Variants in TEX2 observed in about 807,000 individuals in gnomAD.
The protein encoded by TEX2 is testis expressed 2, also known as testis-expressed protein 2.
TEX2 carries 53 observed loss-of-function variants against 106.9 expected under a neutral mutation model. The observed-to-expected ratio is 0.50, with a 90% CI of 0.40 to 0.62. TEX2 has a LOEUF of 0.62. Ranked by LOEUF, TEX2 falls within the 20% of genes least tolerant of loss-of-function variation. The pLI, the probability that TEX2 is intolerant of heterozygous loss-of-function variation, is 0.00. For synonymous variants in TEX2, 523 were observed against 534.8 expected (o/e 0.98, Z 0.30); for missense variants, 1,207 against 1,379.0 (o/e 0.88, Z 1.98).
chr17:64,162,063 A>T (rs756348194), intron 7 of TEX2, among the ~76,000 whole-genome samples: 4 of 152,186 alleles, frequency 2.6e-5, no homozygotes, highest in African/African-American at 7.2e-5. Context: ...TTTTGTTTTC[A>T]ACAAATTCTT....
intron 1 of TEX2, among the ~76,000 whole-genome samples, chr17:64,240,280 T>G (rs1026793185): frequency 6.6e-5 from 10 of 151,782 alleles, no homozygotes; most frequent in African/African-American, 2.4e-4. Context: ...TCTTTGTTAA[T>G]AAATGTTTAA....
At chr17:64,212,492 C>T in intron 2 of TEX2, 82 bp downstream of exon 2, 1 of 1,346,788 alleles carries the variant, frequency 7.4e-7, no homozygotes, top group South Asian at 1.4e-5. Flanking sequence ...TCTTTAACAG[C>T]TAACCAAAAA....
At position 64,214,230 on chromosome 17, in the gene TEX2, A is replaced by G; in HGVS notation, c.-13T>C. On this transcript the variant is annotated 5_prime_UTR_variant, in exon 2 of 12. Coordinates refer to ENST00000584379, the MANE Select transcript of TEX2 (RefSeq NM_001288732.2). ...ACAGACTTGTCATTGCCGGCTTCAC[A>G]AGGGCTCAGGCTCTGTGAAAACAGT... 1.2e-6 allele frequency: 2 copies of G among 1,607,336 alleles called. No individual in the cohort carries two copies. The highest frequency in any genetic ancestry group is 1.7e-6 in the Non-Finnish European group (2 of 1,175,138).
chr17:64,212,869 G>C lies in TEX2; in HGVS notation c.1349C>G (p.Ala450Gly). ...SDIPLKPEVL[A>G]EDGVVLDSED... ...ACTGTCAAGGACCACACCATCTTCC[G>C]CGAGCACCTCTGGCTTGAGAGGAAT... Residue 450 changes from alanine to glycine, a missense_variant, in exon 2 of 12, where the codon GCG (alanine) becomes GGG (glycine). Coordinates refer to ENST00000584379, the MANE Select transcript of TEX2 (RefSeq NM_001288732.2). 6.2e-7 allele frequency: 1 copy of C among 1,614,080 alleles called. No homozygotes were observed. The highest frequency in any genetic ancestry group is 8.5e-7 in the Non-Finnish European group (1 of 1,180,028).
chr17:64,229,812 A>G (rs992929997), intron 1 of TEX2, among the ~76,000 whole-genome samples: 10 of 152,156 alleles, frequency 6.6e-5, no homozygotes, highest in African/African-American at 2.2e-4. Flanking sequence ...CCTTCAAATC[A>G]TATTAGGAAA....
At chr17:64,176,973 C>T (rs1290986611) in intron 6 of TEX2, among the ~76,000 whole-genome samples, 1 of 152,150 alleles carries the variant, frequency 6.6e-6, no homozygotes, top group African/African-American at 2.4e-5. Context: ...GCTGGGTGGG[C>T]TCTGGATGTA....
At chr17:64,249,898 T>C (rs1449880898) in intron 1 of TEX2, among the ~76,000 whole-genome samples, 1 of 152,170 alleles carries the variant, frequency 6.6e-6, no homozygotes, top group African/African-American at 2.4e-5. Context: ...AAAATTAATG[T>C]TCCTGCTTCA....
intron 1 of TEX2, among the ~76,000 whole-genome samples, chr17:64,253,900 T>C (rs1370213678): frequency 2.0e-5 from 3 of 152,194 alleles, no homozygotes; most frequent in Non-Finnish European, 4.4e-5. Context: ...TTTTAACACA[T>C]TTATCAAGCA....
chr17:64,152,621 C>A (rs534038202), intron 10 of TEX2, among the ~76,000 whole-genome samples: 2 of 152,172 alleles, frequency 1.3e-5, no homozygotes, highest in African/African-American at 4.8e-5. Context: ...GCGCTATCTA[C>A]AAATGACAGC....
At chr17:64,182,622 T>A (rs2031922883) in intron 5 of TEX2, among the ~76,000 whole-genome samples, 1 of 152,018 alleles carries the variant, frequency 6.6e-6, no homozygotes, top group African/African-American at 2.4e-5. Context: ...TCCCTATTCC[T>A]CCCCAACTCC....
intron 1 of TEX2, among the ~76,000 whole-genome samples, chr17:64,258,493 A>T (rs372227868): frequency 2.0e-5 from 3 of 152,164 alleles, no homozygotes; most frequent in East Asian, 3.8e-4. Flanking sequence ...TCTACTATTC[A>T]TAGGGTGGTA....
intron 5 of TEX2, among the ~76,000 whole-genome samples, chr17:64,180,943 T>C (rs749963681): frequency 2.0e-5 from 3 of 152,118 alleles, no homozygotes; most frequent in Non-Finnish European, 4.4e-5. Context: ...CCGCACCCAG[T>C]GTACCGCCAG....
At chr17:64,172,493 G>C (rs1008825560) in intron 6 of TEX2, among the ~76,000 whole-genome samples, 20 of 152,146 alleles carry the variant, frequency 1.3e-4, no homozygotes, top group African/African-American at 4.3e-4. Context: ...CCAGCTTCTG[G>C]TTGGGCATGG....
In TEX2 at chr17:64,153,209, C is replaced by CA. The variant is rs1485781206; in HGVS notation, c.2931-56dup. ...GCACAAACTTTGCTCTTTTCACAGACAAAAACCTGTGGCTCTTCGTTCCCC... is the reference window on the plus strand; with the variant it reads ...GCACAAACTTTGCTCTTTTCACAGACAAAAAACCTGTGGCTCTTCGTTCCCC... On this transcript the variant is annotated intron_variant, in intron 9 of 11. Transcript: ENST00000584379. The surrounding 1 kb of genome is among the most constrained non-coding windows in gnomAD (Gnocchi z 4.1). 3.2e-6 allele frequency: 4 copies of CA among 1,268,116 alleles called. No individual in the cohort carries two copies. Among genetic ancestry groups the CA allele is most frequent in the South Asian group, 1.3e-5 (1 of 75,606 alleles). 78.6% of individuals were successfully genotyped at this position (1,268,116 alleles called of 1,614,324 possible). A position where few individuals can be genotyped will look rare whatever the true frequency, so the allele number is the denominator to read the frequency against.
chr17:64,229,813 T>C (rs918553993), intron 1 of TEX2, among the ~76,000 whole-genome samples: 4 of 152,180 alleles, frequency 2.6e-5, no homozygotes, highest in Non-Finnish European at 5.9e-5. Flanking sequence ...CTTCAAATCA[T>C]ATTAGGAAAT....
chr17:64,207,194 T>A (rs1396325104), intron 2 of TEX2, among the ~76,000 whole-genome samples: 1 of 152,244 alleles, frequency 6.6e-6, no homozygotes, highest in East Asian at 1.9e-4. Context: ...GGCAAGACTC[T>A]TAGTCCAGTC....
intron 6 of TEX2, among the ~76,000 whole-genome samples, chr17:64,173,525 AT>A (rs1189019092): frequency 6.6e-6 from 1 of 152,166 alleles, no homozygotes; most frequent in Non-Finnish European, 1.5e-5. Flanking sequence ...GTAATCTCTG[AT>A]TTTTTGTGGA....
At chr17:64,244,085 G>T (rs1280211843) in intron 1 of TEX2, among the ~76,000 whole-genome samples, 1 of 152,192 alleles carries the variant, frequency 6.6e-6, no homozygotes, top group South Asian at 2.1e-4. Context: ...GGGATTACAA[G>T]TGTGAACCAC....
Position 64,177,326 on chromosome 17 carries a change from T to A in TEX2, c.2570A>T (p.Lys857Met), listed in dbSNP as rs1241776217. 6.2e-7 allele frequency: 1 copy of A among 1,614,134 alleles called. No homozygotes were observed. The highest frequency in any genetic ancestry group is 1.1e-5 in the South Asian group (1 of 91,064). The change falls in exon 6 of 12, where the codon AAG (lysine) becomes ATG (methionine). Residue 857 changes from lysine (K) to methionine (M), a missense_variant and splice_region_variant. Coordinates refer to ENST00000584379, the MANE Select transcript of TEX2 (RefSeq NM_001288732.2). ...AGCCTCTTGTGTGGAAAGTGATACC[T>A]TTATTTTGCTGAGTTTCATTTGGAT... ...KKIQMKLSKI[K>M]LPYFMNELTL...
Sources: gnomAD v4.1 joint callset for allele counts (sites outside exome capture counted in the v4.1 genomes callset) on GRCh38, gnomAD v4.1.1 for gene constraint, Gnocchi (gnomAD v3.1) non-coding constraint, MANE v1.5 for transcripts, NCBI Gene and HGNC (gene_info 2026-07-23, HGNC 2026-07-21) for gene names.